LRRC4C: variants seen among roughly 807,000 people sequenced by gnomAD.
The protein encoded by LRRC4C is leucine-rich repeat-containing protein 4C.
In LRRC4C, 5 loss-of-function variants were observed where a neutral mutation model predicts 33.6. That is an observed-to-expected ratio of 0.15 (90% CI 0.08 to 0.31). LRRC4C has a LOEUF of 0.31. Among genes scored for constraint, LRRC4C ranks in the 10% least tolerant of loss-of-function variants. The pLI is 1.00. For missense variants in LRRC4C, 560 were observed against 796.7 expected, an observed-to-expected ratio of 0.70 and a Z score of 3.58; for synonymous variants, 329 against 302.0, an observed-to-expected ratio of 1.09 and a Z score of -0.93.
chr11:40,590,695 C>T (rs1015846093), intron 3 of LRRC4C, among the ~76,000 whole-genome samples: 1 of 151,414 alleles, frequency 6.6e-6, no homozygotes, highest in Non-Finnish European at 1.5e-5. Flanking sequence ...TTCCTTCTAA[C>T]AGACAGGACC....
chr11:40,746,861 C>T (rs948153752), intron 2 of LRRC4C, among the ~76,000 whole-genome samples: 4 of 152,164 alleles, frequency 2.6e-5, no homozygotes, highest in Non-Finnish European at 5.9e-5. Flanking sequence ...CTGGCCCACT[C>T]AATTCACCAC....
intron 1 of LRRC4C, among the ~76,000 whole-genome samples, chr11:41,079,518 G>GC (rs1939405416): frequency 6.6e-6 from 1 of 152,002 alleles, no homozygotes; most frequent in African/African-American, 2.4e-5. Context: ...TAACTTATGT[G>GC]CCCCCCAAGA....
chr11:40,934,578 C>CT (rs1055301164), intron 1 of LRRC4C, among the ~76,000 whole-genome samples: 15 of 151,340 alleles, frequency 9.9e-5, no homozygotes, highest in East Asian at 1.9e-4. Flanking sequence ...AATTAAAACA[C>CT]TTTTTTTTTC....
intron 5 of LRRC4C, among the ~76,000 whole-genome samples, chr11:40,191,204 C>T (rs1313396762): frequency 1.3e-5 from 2 of 152,142 alleles, no homozygotes; most frequent in Non-Finnish European, 2.9e-5. Flanking sequence ...CCAAGGCCAG[C>T]TGCTTGACCA....
intron 3 of LRRC4C, among the ~76,000 whole-genome samples, chr11:40,483,573 CT>C (rs1953701285): frequency 6.6e-6 from 1 of 151,886 alleles, no homozygotes; most frequent in Non-Finnish European, 1.5e-5. Context: ...TCTAGGAAGA[CT>C]GAAATAGTTG....
intron 2 of LRRC4C, among the ~76,000 whole-genome samples, chr11:40,930,056 T>C (rs1183879856): frequency 6.6e-6 from 1 of 152,114 alleles, no homozygotes; most frequent in Non-Finnish European, 1.5e-5. Context: ...TACAAATATA[T>C]AACCAGGGCT....
intron 2 of LRRC4C, among the ~76,000 whole-genome samples, chr11:40,927,496 ATTCT>A (rs1009337506): frequency 3.2e-4 from 49 of 152,322 alleles, no homozygotes; most frequent in Middle Eastern, 6.8e-3. Context: ...AACCCTACAG[ATTCT>A]TTCTGAGTTG....
chr11:40,685,692 A>G (rs117951063), intron 2 of LRRC4C, among the ~76,000 whole-genome samples: 1,964 of 152,126 alleles, frequency 0.013, 14 homozygotes, highest in Middle Eastern at 0.038. Flanking sequence ...TGAGATAGAA[A>G]AATAATAATA....
At chr11:40,608,820 C>T (rs1297743252) in intron 3 of LRRC4C, among the ~76,000 whole-genome samples, 2 of 152,030 alleles carry the variant, frequency 1.3e-5, no homozygotes, top group Non-Finnish European at 2.9e-5. Flanking sequence ...TCCAAAATGA[C>T]ACAAGAGACA....
intron 3 of LRRC4C, among the ~76,000 whole-genome samples, chr11:40,599,464 T>A (rs1185113405): frequency 6.6e-6 from 1 of 152,114 alleles, no homozygotes; most frequent in Non-Finnish European, 1.5e-5. Flanking sequence ...ATGGCCTTCT[T>A]AAGAAGAACC....
intron 5 of LRRC4C, among the ~76,000 whole-genome samples, chr11:40,191,751 A>G (rs1427329170): frequency 6.6e-6 from 1 of 152,192 alleles, no homozygotes; most frequent in Admixed American, 6.5e-5. Context: ...ACCTGAGCCC[A>G]GGAGTTTAAG....
At chr11:40,325,825 G>A (rs913864902) in intron 3 of LRRC4C, among the ~76,000 whole-genome samples, 3 of 151,922 alleles carry the variant, frequency 2.0e-5, no homozygotes, top group Non-Finnish European at 4.4e-5. Flanking sequence ...AGCCTTTATT[G>A]GTGAAATTAA....
At chr11:41,443,089 ATTTTTTTTTTT>A in intron 1 of LRRC4C, among the ~76,000 whole-genome samples, 3 of 105,994 alleles carry the variant, frequency 2.8e-5, no homozygotes, top group Admixed American at 1.2e-4. Flanking sequence ...TGTTTGCTTC[ATTTTTTTTTTT>A]TTTTTTTTTG....
intron 1 of LRRC4C, among the ~76,000 whole-genome samples, chr11:41,164,425 C>CT (rs951858958): frequency 2.0e-5 from 3 of 151,484 alleles, no homozygotes; most frequent in Non-Finnish European, 4.4e-5. Context: ...TTATAGTTAC[C>CT]TTTTTTTTAC....
At chr11:41,266,636 C>G (rs528582390) in intron 1 of LRRC4C, among the ~76,000 whole-genome samples, 41 of 152,098 alleles carry the variant, frequency 2.7e-4, no homozygotes, top group African/African-American at 8.9e-4. Flanking sequence ...ATAATTTTTC[C>G]TAGAGATAGA....
At chr11:41,208,059 C>A (rs1342561192) in intron 1 of LRRC4C, among the ~76,000 whole-genome samples, 1 of 152,018 alleles carries the variant, frequency 6.6e-6, no homozygotes, top group African/African-American at 2.4e-5. Flanking sequence ...GAAAGTATCA[C>A]CTTAGAGAAG....
chr11:40,220,278 C>G (rs764525461), intron 5 of LRRC4C, among the ~76,000 whole-genome samples: 28 of 152,112 alleles, frequency 1.8e-4, no homozygotes, highest in Admixed American at 5.2e-4. Flanking sequence ...ACTCCTACAC[C>G]TCCCAAAAAT....
chr11:41,107,900 G>T lies in LRRC4C; in HGVS notation c.-495-174177C>A, dbSNP rs559779982. 2.6e-5 allele frequency among the ~76,000 whole-genome samples: 4 copies of T among 151,896 alleles called. 1 individual carries two copies. The highest frequency in any genetic ancestry group is 9.7e-5 in the African/African-American group (4 of 41,432). On this transcript the variant is annotated intron_variant, in intron 1 of 6. Transcript: ENST00000528697. ...TGCTGTGAGCCGAGATTGCACCATT[G>T]CACTCCAGCCTGGGTGATAGAGCGA...
chr11:41,439,689 A>C (rs1955550838), intron 1 of LRRC4C, among the ~76,000 whole-genome samples: 1 of 152,182 alleles, frequency 6.6e-6, no homozygotes, highest in Non-Finnish European at 1.5e-5. Flanking sequence ...CTTTTAAAAA[A>C]CATCTGTTCA....
Sources: allele counts gnomAD v4.1 joint callset (sites outside exome capture counted in the v4.1 genomes callset), GRCh38; gene constraint gnomAD v4.1.1; transcripts MANE v1.5; gene names NCBI Gene and HGNC (gene_info 2026-07-23, HGNC 2026-07-21).